The following ARHGAP28 variants were observed in gnomAD, a reference collection of about 807,000 sequenced individuals.
ARHGAP28 encodes the protein rho GTPase-activating protein 28.
In ARHGAP28, 56 loss-of-function variants were observed where a neutral mutation model predicts 90.7. The observed-to-expected ratio is 0.62, with a 90% CI of 0.50 to 0.77. The LOEUF (loss-of-function observed/expected upper bound fraction) is 0.77. ARHGAP28 is among the 30% of genes least tolerant of loss of function. The pLI is 0.00. For missense variants in ARHGAP28, 869 were observed against 900.9 expected (o/e 0.96, Z 0.45); for synonymous variants, 308 against 323.3 (o/e 0.95, Z 0.51).
chr18:6,839,581 G>T (rs532431245), intron 3 of ARHGAP28, among the ~76,000 whole-genome samples: 1 of 152,210 alleles, frequency 6.6e-6, no homozygotes, highest in Admixed American at 6.5e-5. Flanking sequence ...ACAGGCGTGA[G>T]CCACTGCGCC....
intron 3 of ARHGAP28, among the ~76,000 whole-genome samples, chr18:6,844,551 A>G (rs1369998700): frequency 1.3e-5 from 2 of 152,242 alleles, no homozygotes; most frequent in East Asian, 1.9e-4. Context: ...GAATGTACAC[A>G]TATTATACAT....
chr18:6,760,531 A>T (rs993248162), intron 1 of ARHGAP28, among the ~76,000 whole-genome samples: 20 of 152,164 alleles, frequency 1.3e-4, no homozygotes, highest in Non-Finnish European at 2.6e-4. Flanking sequence ...AGAAAAGTTT[A>T]TTTTTACTGA....
intron 16 of ARHGAP28, among the ~76,000 whole-genome samples, chr18:6,906,256 G>A (rs2057364185): frequency 6.6e-6 from 1 of 152,292 alleles, no homozygotes; most frequent in Non-Finnish European, 1.5e-5. Context: ...AGGCCCATCT[G>A]ATTTTTAAAA....
At chr18:6,839,413 C>T (rs1290855116) in intron 3 of ARHGAP28, among the ~76,000 whole-genome samples, 2 of 151,934 alleles carry the variant, frequency 1.3e-5, no homozygotes, top group East Asian at 1.9e-4. Context: ...CCCCCCTCAG[C>T]CTCCCGAGTA....
At chr18:6,878,503 A>T (rs1444007068) in intron 10 of ARHGAP28, among the ~76,000 whole-genome samples, 6 of 152,156 alleles carry the variant, frequency 3.9e-5, no homozygotes, top group African/African-American at 1.4e-4. Flanking sequence ...AATAAAAAAA[A>T]AATTACAGGG....
intron 1 of ARHGAP28, among the ~76,000 whole-genome samples, chr18:6,793,905 G>C (rs1206474282): frequency 6.6e-6 from 1 of 151,934 alleles, no homozygotes; most frequent in Non-Finnish European, 1.5e-5. Context: ...TCATGAAATG[G>C]GTATGAAGAG....
At chr18:6,820,021 T>G (rs543878322) in intron 1 of ARHGAP28, among the ~76,000 whole-genome samples, 1 of 152,182 alleles carries the variant, frequency 6.6e-6, no homozygotes, top group African/African-American at 2.4e-5. Flanking sequence ...TAAAAAGTTA[T>G]GAAATATGTG....
At chr18:6,891,642 C>T (rs370060565) in intron 14 of ARHGAP28, among the ~76,000 whole-genome samples, 196 of 152,036 alleles carry the variant, frequency 1.3e-3, no homozygotes, top group African/African-American at 4.6e-3. Flanking sequence ...GGCTGGAGTG[C>T]AGTGGCATGA....
chr18:6,839,596 C>A (rs1476422333), intron 3 of ARHGAP28, among the ~76,000 whole-genome samples: 8 of 152,216 alleles, frequency 5.3e-5, no homozygotes, highest in Admixed American at 2.0e-4. Context: ...TGCGCCCGGC[C>A]ATAATTTTTT....
intron 1 of ARHGAP28, among the ~76,000 whole-genome samples, chr18:6,730,975 T>C (rs1419518357): frequency 6.6e-6 from 1 of 152,146 alleles, no homozygotes; most frequent in African/African-American, 2.4e-5. Context: ...GATTGTGACT[T>C]TATTTCAAGG....
rs115150939 is a variant in ARHGAP28 at position 6,880,862 on chromosome 18, G to A, written c.1291-1275G>A. Among the ~76,000 whole-genome samples, 939 of 152,222 alleles carry A rather than the reference G, an allele frequency of 6.2e-3. 7 individuals are homozygous for A. The highest frequency in any genetic ancestry group is 0.021 in the African/African-American group (884 of 41,528). ...CCCACCCACTAGATTACAGGACACC[G>A]AAAGGCAAAGAATGGATCTCATGCA... On this transcript the variant is annotated intron_variant, in intron 10 of 17. Coordinates refer to ENST00000383472, the MANE Select transcript of ARHGAP28 (RefSeq NM_001366230.1).
intron 11 of ARHGAP28, 29 bp downstream of exon 11, chr18:6,882,328 G>A (rs368671177): frequency 3.2e-4 from 504 of 1,594,386 alleles, no homozygotes; most frequent in Non-Finnish European, 3.6e-4. Context: ...ATGTGAATAC[G>A]CTAAGATATA....
chr18:6,763,078 A>T (rs2056174412), intron 1 of ARHGAP28, among the ~76,000 whole-genome samples: 1 of 146,698 alleles, frequency 6.8e-6, no homozygotes. Context: ...TATGAGAGGG[A>T]TGGTTGTTTG....
chr18:6,794,064 G>A (rs889413344), intron 1 of ARHGAP28, among the ~76,000 whole-genome samples: 1 of 152,144 alleles, frequency 6.6e-6, no homozygotes, highest in Non-Finnish European at 1.5e-5. Flanking sequence ...TTAAGAAAAA[G>A]TGTATGGCGT....
intron 1 of ARHGAP28, among the ~76,000 whole-genome samples, chr18:6,775,214 G>A (rs1044340865): frequency 1.3e-5 from 2 of 152,128 alleles, no homozygotes; most frequent in African/African-American, 2.4e-5. Flanking sequence ...GAGGAGGAGC[G>A]TTAAGAGAGG....
At chr18:6,799,229 A>G (rs2056464116) in intron 1 of ARHGAP28, among the ~76,000 whole-genome samples, 1 of 152,198 alleles carries the variant, frequency 6.6e-6, no homozygotes, top group Non-Finnish European at 1.5e-5. Flanking sequence ...GCTCAAGGAA[A>G]TAAGAGCAGA....
chr18:6,735,870 G>T (rs568390194), intron 1 of ARHGAP28, among the ~76,000 whole-genome samples: 4 of 151,984 alleles, frequency 2.6e-5, no homozygotes, highest in African/African-American at 9.7e-5. Context: ...ATGCATTTTC[G>T]ATGAGAAATC....
intron 1 of ARHGAP28, among the ~76,000 whole-genome samples, chr18:6,764,102 G>A (rs568626981): frequency 2.4e-4 from 36 of 152,202 alleles, no homozygotes; most frequent in African/African-American, 7.9e-4. Flanking sequence ...AGTCCTCGTA[G>A]ACATGAAAGA....
At position 6,841,203 on chromosome 18, in the gene ARHGAP28, CCTCTCCT is replaced by C. The variant is rs1365273348; in HGVS notation, c.543+3795_543+3801del. On this transcript the variant is annotated intron_variant, in intron 3 of 17. Transcript: ENST00000383472. Reference sequence around the variant, plus strand: ...CTCCTCTCTCTCTCTCTCTCTCTCTCCTCTCCTCTCTCTCTCTCTCCCCCCAACCCGC... The same window carrying C: ...CTCCTCTCTCTCTCTCTCTCTCTCTCCTCTCTCTCTCTCCCCCCAACCCGC... 3.0e-3 allele frequency among the ~76,000 whole-genome samples: 125 copies of C among 41,972 alleles called. 5 individuals carry two copies. Among genetic ancestry groups the C allele is most frequent in the South Asian group, 0.022 (16 of 736 alleles). The allele number at this position is 41,972 out of a possible 152,430, so 27.5% of individuals were successfully genotyped here.
Sources: allele counts gnomAD v4.1 joint callset (sites outside exome capture counted in the v4.1 genomes callset), GRCh38; gene constraint gnomAD v4.1.1; transcripts MANE v1.5; gene names NCBI Gene and HGNC (gene_info 2026-07-23, HGNC 2026-07-21).